Variants in LYPD6B observed in about 807,000 individuals in gnomAD.
LYPD6B encodes the protein LY6/PLAUR domain containing 6B.
In LYPD6B, 17 loss-of-function variants were observed where a neutral mutation model predicts 22.8. The ratio of observed to expected loss-of-function variants is 0.75; its 90% CI spans 0.51 to 1.12. The LOEUF is 1.12. Ranked by LOEUF, LYPD6B falls within the 50% of genes most tolerant of loss-of-function variation. LYPD6B has a pLI of 0.00. For missense variants in LYPD6B, 221 were observed against 258.3 expected (o/e 0.86, Z 0.99); for synonymous variants, 106 against 91.6 (o/e 1.16, Z -0.90).
intron 2 of LYPD6B, among the ~76,000 whole-genome samples, chr2:149,137,858 T>G (rs75717709): frequency 1.8e-3 from 277 of 152,338 alleles, no homozygotes; most frequent in African/African-American, 6.4e-3. Context: ...TATTTTAAAT[T>G]TTAATACAAT....
intron 1 of LYPD6B, among the ~76,000 whole-genome samples, chr2:149,074,908 C>T (rs1257484975): frequency 3.3e-5 from 5 of 152,176 alleles, no homozygotes; most frequent in Admixed American, 2.6e-4. Flanking sequence ...CATTTTTCCT[C>T]CTCCAGGCAG....
intron 2 of LYPD6B, 75 bp from the exon 3 acceptor site, chr2:149,160,689 A>T: frequency 9.4e-7 from 1 of 1,069,436 alleles, no homozygotes; most frequent in Admixed American, 2.0e-5. Context: ...TTTTGTTAGA[A>T]AACATTCCAG....
intron 3 of LYPD6B, among the ~76,000 whole-genome samples, chr2:149,166,070 G>T (rs1398565285): frequency 6.6e-6 from 1 of 152,122 alleles, no homozygotes; most frequent in Non-Finnish European, 1.5e-5. Context: ...TCTTTGGTTG[G>T]CAGGCATTTG....
At chr2:149,187,437 A>G (rs1692189501) in intron 3 of LYPD6B, 5 of 1,532,590 alleles carry the variant, frequency 3.3e-6, no homozygotes, top group Non-Finnish European at 4.4e-6. Flanking sequence ...TGTGAAAGGC[A>G]TTGTACAGAA....
intron 1 of LYPD6B, among the ~76,000 whole-genome samples, chr2:149,053,798 C>T (rs1386449365): frequency 6.6e-6 from 1 of 152,154 alleles, no homozygotes; most frequent in East Asian, 1.9e-4. Flanking sequence ...ATGGATTTGC[C>T]TTTGCCTGCT....
At position 149,130,920 on chromosome 2, in the gene LYPD6B, G is replaced by A. The variant is rs1468150237; in HGVS notation, c.-29G>A. 3 of 1,593,180 alleles carry A rather than the reference G, an allele frequency of 1.9e-6. No homozygotes were observed. The highest frequency in any genetic ancestry group is 2.6e-6 in the Non-Finnish European group (3 of 1,161,392). ...TCTGCCTGCTGTTGGCAACCCTCCT[G>A]GACTAGGCTGCTCTTGTTAATCACA... is the stretch of plus-strand genomic sequence containing the variant. On this transcript the variant is annotated 5_prime_UTR_variant, in exon 2 of 7. Coordinates refer to ENST00000409642, the MANE Select transcript of LYPD6B (RefSeq NM_177964.5).
At chr2:149,156,976 A>G (rs1011979251) in intron 2 of LYPD6B, among the ~76,000 whole-genome samples, 6 of 152,168 alleles carry the variant, frequency 3.9e-5, no homozygotes, top group Non-Finnish European at 8.8e-5. Context: ...AATTAACTTA[A>G]TCACACTTGG....
chr2:149,172,543 A>G (rs1020313041), intron 3 of LYPD6B, among the ~76,000 whole-genome samples: 2 of 152,176 alleles, frequency 1.3e-5, no homozygotes, highest in Admixed American at 6.5e-5. Context: ...CAACCAGGAC[A>G]TCTGTTCTGT....
chr2:149,174,186 T>C (rs573288767), intron 3 of LYPD6B, among the ~76,000 whole-genome samples: 94 of 152,324 alleles, frequency 6.2e-4, no homozygotes, highest in African/African-American at 1.9e-3. Flanking sequence ...ATGATTTGGC[T>C]CTCAGCTTGG....
intron 3 of LYPD6B, among the ~76,000 whole-genome samples, chr2:149,170,965 A>G (rs953504829): frequency 1.3e-5 from 2 of 152,196 alleles, no homozygotes; most frequent in Non-Finnish European, 2.9e-5. Context: ...CCTGAGAACT[A>G]AGAAAAATAA....
chr2:149,177,588 C>T (rs1388031526), intron 3 of LYPD6B, among the ~76,000 whole-genome samples: 1 of 152,162 alleles, frequency 6.6e-6, no homozygotes, highest in African/African-American at 2.4e-5. Context: ...TTTTGGGAGT[C>T]AACAGCAGGA....
intron 1 of LYPD6B, among the ~76,000 whole-genome samples, chr2:149,110,934 C>T (rs1686726545): frequency 1.3e-5 from 2 of 151,952 alleles, no homozygotes; most frequent in Non-Finnish European, 1.5e-5. Flanking sequence ...GAAGAACTCT[C>T]GAAAAGGTGA....
intron 1 of LYPD6B, among the ~76,000 whole-genome samples, chr2:149,114,288 A>G (rs1325775315): frequency 6.6e-6 from 1 of 152,224 alleles, no homozygotes; most frequent in Admixed American, 6.5e-5. Flanking sequence ...CTCAATGCCA[A>G]GTGGTATTTC....
At chr2:149,069,677 AC>A (rs776115209) in intron 1 of LYPD6B, among the ~76,000 whole-genome samples, 2 of 152,142 alleles carry the variant, frequency 1.3e-5, no homozygotes, top group Non-Finnish European at 2.9e-5. Flanking sequence ...GTAAATTTCA[AC>A]ATTCCTGTCT....
intron 3 of LYPD6B, among the ~76,000 whole-genome samples, chr2:149,162,819 G>A (rs1384915061): frequency 3.3e-5 from 5 of 151,070 alleles, no homozygotes; most frequent in Non-Finnish European, 7.4e-5. Context: ...TTGCGCTTTT[G>A]CCTGTTTTAA....
chr2:149,065,407 A>G (rs1194005251), intron 1 of LYPD6B, among the ~76,000 whole-genome samples: 1 of 152,218 alleles, frequency 6.6e-6, no homozygotes, highest in East Asian at 1.9e-4. Flanking sequence ...GACATGACTA[A>G]GCATTTAATC....
chr2:149,040,159 G>C (rs114948660), intron 1 of LYPD6B, among the ~76,000 whole-genome samples: 2 of 151,908 alleles, frequency 1.3e-5, no homozygotes. Context: ...CAAAGAGGGA[G>C]AGAGAGAATC....
At chr2:149,078,634 A>G (rs1392368043) in intron 1 of LYPD6B, among the ~76,000 whole-genome samples, 1 of 152,136 alleles carries the variant, frequency 6.6e-6, no homozygotes, top group Non-Finnish European at 1.5e-5. Flanking sequence ...TTCTAAGATT[A>G]TTGTCACTGA....
intron 1 of LYPD6B, among the ~76,000 whole-genome samples, chr2:149,111,784 A>G (rs538876010): frequency 6.6e-6 from 1 of 152,266 alleles, no homozygotes; most frequent in African/African-American, 2.4e-5. Context: ...AGAGATGACT[A>G]AAGATTGGGG....
Sources: gnomAD v4.1 joint callset for allele counts (sites outside exome capture counted in the v4.1 genomes callset) on GRCh38, gnomAD v4.1.1 for gene constraint, MANE v1.5 for transcripts, NCBI Gene and HGNC (gene_info 2026-07-23, HGNC 2026-07-21) for gene names.